The following PCNT variants were observed in gnomAD, a reference collection of about 807,000 sequenced individuals.
The protein encoded by PCNT is pericentrin, also known as kendrin.
Under a neutral mutation model 380.4 loss-of-function variants are expected in PCNT, and 319 were observed. The ratio of observed to expected loss-of-function variants is 0.84; its 90% CI spans 0.77 to 0.92. The LOEUF is 0.92. Among genes scored for constraint, PCNT ranks in the 40% least tolerant of loss-of-function variants. The pLI, the probability that PCNT is intolerant of heterozygous loss-of-function variation, is 0.00. For missense variants in PCNT, 4,400 were observed against 4,255.3 expected (o/e 1.03, Z -0.95); for synonymous variants, 1,845 against 1,735.2 (o/e 1.06, Z -1.57).
chr21:46,331,198 G>A (rs771820642), intron 2 of PCNT, among the ~76,000 whole-genome samples: 5 of 151,866 alleles, frequency 3.3e-5, no homozygotes, highest in African/African-American at 7.3e-5. Flanking sequence ...TCCCTCTGGC[G>A]CCCAGGCTGG....
At chr21:46,437,853 T>G (rs561874123) in intron 40 of PCNT, among the ~76,000 whole-genome samples, 22 of 152,206 alleles carry the variant, frequency 1.4e-4, no homozygotes, top group Non-Finnish European at 2.5e-4. Flanking sequence ...GTAATAAACC[T>G]GTTTTGAGGG....
intron 27 of PCNT, among the ~76,000 whole-genome samples, chr21:46,406,066 A>T (rs1007092409): frequency 1.3e-5 from 2 of 152,262 alleles, no homozygotes; most frequent in Non-Finnish European, 2.9e-5. Flanking sequence ...CAAGGAAACC[A>T]CATTTGCTGT....
intron 25 of PCNT, among the ~76,000 whole-genome samples, chr21:46,400,844 C>T (rs1398667126): frequency 2.6e-5 from 4 of 152,138 alleles, no homozygotes; most frequent in African/African-American, 9.7e-5. Context: ...CTCGTAAGTG[C>T]TGATGAGAAT....
intron 15 of PCNT, among the ~76,000 whole-genome samples, chr21:46,371,886 A>G (rs1009891266): frequency 1.3e-5 from 2 of 150,792 alleles, no homozygotes; most frequent in African/African-American, 2.4e-5. Context: ...CAGCACATGC[A>G]CACACAGCAC....
chr21:46,330,169 G>A (rs2083512384), intron 2 of PCNT, among the ~76,000 whole-genome samples: 1 of 152,058 alleles, frequency 6.6e-6, no homozygotes, highest in South Asian at 2.1e-4. Context: ...CCAGGCTGGA[G>A]TGCAGTGGCG....
chr21:46,363,980 C>T (rs1428157419), intron 14 of PCNT, 46 bp downstream of exon 14: 13 of 1,556,654 alleles, frequency 8.4e-6, no homozygotes, highest in African/African-American at 4.1e-5. Flanking sequence ...AGGCCAGACA[C>T]CTTGGAGGGT....
At chr21:46,371,769 A>G (rs918895162) in intron 15 of PCNT, among the ~76,000 whole-genome samples, 2 of 152,244 alleles carry the variant, frequency 1.3e-5, no homozygotes, top group African/African-American at 4.8e-5. Flanking sequence ...GCTGGTCTGC[A>G]TGATGAGCAC....
Position 46,422,075 on chromosome 21 carries a change from C to A in PCNT, c.7130C>A (p.Pro2377Gln). ...TPASISGRFQ[P>Q]LPEAMKEKEV... ...GCTTCCATCTCTGGAAGGTTTCAGC[C>A]GCTGCCGGAAGCCATGAAGGAGAAG... The change falls in exon 32 of 47, where the codon CCG becomes CAG. Residue 2377 changes from proline (P) to glutamine (Q), a missense_variant. Pro to Gln is a moderately conservative substitution (Grantham distance 76, BLOSUM62 -1). Coordinates refer to ENST00000359568, the MANE Select transcript of PCNT (RefSeq NM_006031.6). The A allele has an allele frequency of 6.2e-7, 1 of 1,613,930 alleles. No homozygotes were observed. Among genetic ancestry groups the A allele is most frequent in the Non-Finnish European group, 8.5e-7 (1 of 1,180,010 alleles).
intron 31 of PCNT, among the ~76,000 whole-genome samples, chr21:46,419,621 T>C (rs1310616832): frequency 6.6e-6 from 1 of 152,224 alleles, no homozygotes; most frequent in Non-Finnish European, 1.5e-5. Context: ...GTTTCTCCTG[T>C]GTGCTTCACT....
chr21:46,390,890 C>T (rs781665114), intron 20 of PCNT, 58 bp downstream of exon 20: 21 of 1,554,412 alleles, frequency 1.4e-5, no homozygotes, highest in East Asian at 1.2e-4. Flanking sequence ...CAGGCCTGGC[C>T]TCACTGAGGG....
At chr21:46,333,878 G>C (rs1466728547) in intron 2 of PCNT, among the ~76,000 whole-genome samples, 3 of 150,580 alleles carry the variant, frequency 2.0e-5, no homozygotes, top group African/African-American at 7.3e-5. Flanking sequence ...AAGAGGGGCA[G>C]GAACATCATT....
chr21:46,391,082 G>T, intron 20 of PCNT, 82 bp from the exon 21 acceptor site: 1 of 1,350,008 alleles, frequency 7.4e-7, no homozygotes, highest in Non-Finnish European at 1.0e-6. Flanking sequence ...CAGGGGCAGT[G>T]GCCCCGTCCC....
chr21:46,390,443 G>T (rs1426534009), intron 19 of PCNT, among the ~76,000 whole-genome samples: 1 of 152,112 alleles, frequency 6.6e-6, no homozygotes, highest in Non-Finnish European at 1.5e-5. Context: ...AAGGGAGAGG[G>T]GCCCAGGGCT....
intron 43 of PCNT, among the ~76,000 whole-genome samples, chr21:46,442,011 CCCTCGTCA>C (rs2053618548): frequency 6.6e-6 from 1 of 152,180 alleles, no homozygotes; most frequent in South Asian, 2.1e-4. Context: ...GACCTGCATG[CCCTCGTCA>C]CCTGCACTCT....
intron 27 of PCNT, among the ~76,000 whole-genome samples, chr21:46,409,697 TTAAG>T (rs1858216878): frequency 6.6e-6 from 1 of 152,126 alleles, no homozygotes; most frequent in African/African-American, 2.4e-5. Context: ...CCTCCAGAGT[TTAAG>T]TGATTCTCCC....
chr21:46,414,906 C>G (rs1261767866), intron 29 of PCNT, among the ~76,000 whole-genome samples: 2 of 152,348 alleles, frequency 1.3e-5, no homozygotes, highest in Admixed American at 6.5e-5. Context: ...TCCTCCTCCC[C>G]CTCCTCCCTG....
rs59894003 is a variant in PCNT at position 46,353,751 on chromosome 21, T to TGTGTGAGA, written c.1680-235_1680-234insTGTGAGAG. Among the ~76,000 whole-genome samples the TGTGTGAGA allele has an allele frequency of 7.9e-3, 822 of 104,394 alleles. 8 individuals are homozygous for TGTGTGAGA. Among genetic ancestry groups the TGTGTGAGA allele is most frequent in the African/African-American group, 0.028 (763 of 27,654 alleles). The allele number at this position is 104,394 out of a possible 152,430, so 68.5% of individuals were successfully genotyped here. A position where few individuals can be genotyped will look rare whatever the true frequency, so the allele number is the denominator to read the frequency against. On this transcript the variant is annotated intron_variant, in intron 10 of 46. Coordinates refer to ENST00000359568, the MANE Select transcript of PCNT (RefSeq NM_006031.6). ...GTGTGTGTGTGTGTGTGTGTGTGTG[T>TGTGTGAGA]GAGAGAGACAGAGAGAGAGTCAGTG...
At chr21:46,325,284 A>AT in intron 1 of PCNT, 6 of 850,914 alleles carry the variant, frequency 7.1e-6, no homozygotes, top group Non-Finnish European at 8.5e-6. Flanking sequence ...CACGGCGGAC[A>AT]GGGGACGCGG....
chr21:46,325,162 GT>G, intron 1 of PCNT: 1 of 985,794 alleles, frequency 1.0e-6, no homozygotes, highest in Non-Finnish European at 1.2e-6. Flanking sequence ...GAGAAAGGGA[GT>G]CCCGAAAGCG....
Sources: allele counts gnomAD v4.1 joint callset (sites outside exome capture counted in the v4.1 genomes callset), GRCh38; gene constraint gnomAD v4.1.1; transcripts MANE v1.5; gene names NCBI Gene and HGNC (gene_info 2026-07-23, HGNC 2026-07-21).